Variants in DCAF1 observed in about 807,000 individuals in gnomAD.
The protein encoded by DCAF1 is DDB1 and CUL4 associated factor 1.
A neutral mutation model predicts 128.0 loss-of-function variants in DCAF1; 15 were observed. That is an observed-to-expected ratio of 0.12 (90% CI 0.08 to 0.18). The LOEUF is 0.18. Ranked by LOEUF, DCAF1 falls within the 10% of genes least tolerant of loss-of-function variation. The probability of loss-of-function intolerance (pLI) is 1.00; values close to 1 mark genes in which losing one functional copy is unlikely to be tolerated. For missense variants in DCAF1, 988 were observed against 1,649.5 expected (o/e 0.60, Z 6.95); for synonymous variants, 610 against 603.0 (o/e 1.01, Z -0.17).
chr3:51,438,012 T>C, intron 9 of DCAF1: 1 of 341,454 alleles, frequency 2.9e-6, no homozygotes, highest in Non-Finnish European at 5.7e-6. Flanking sequence ...ATTCAAATCT[T>C]GGCTAGTTTT....
At chr3:51,497,712 A>G (rs782273330) in intron 1 of DCAF1, among the ~76,000 whole-genome samples, 2 of 152,176 alleles carry the variant, frequency 1.3e-5, no homozygotes, top group African/African-American at 2.4e-5. Context: ...TTTGAGACAC[A>G]GTCGACACAA....
chr3:51,495,267 T>C (rs1423836276), intron 2 of DCAF1, among the ~76,000 whole-genome samples: 1 of 151,974 alleles, frequency 6.6e-6, no homozygotes, highest in Admixed American at 6.6e-5. Context: ...GAAGTTGCAG[T>C]GAGCCGAGAT....
chr3:51,407,159 A>C (rs1037481534), intron 23 of DCAF1, among the ~76,000 whole-genome samples: 2 of 120,818 alleles, frequency 1.7e-5, no homozygotes, highest in South Asian at 5.2e-4. Flanking sequence ...ACTCCATCTC[A>C]AAAAAAAAAA....
At chr3:51,417,020 G>C (rs1454946491) in intron 17 of DCAF1, 149 bp from the exon 18 acceptor site, 6 of 1,283,288 alleles carry the variant, frequency 4.7e-6, no homozygotes, top group African/African-American at 1.5e-5. Context: ...CATACACTTA[G>C]ATTACAAAGA....
intron 2 of DCAF1, among the ~76,000 whole-genome samples, chr3:51,494,628 G>A (rs183259991): frequency 7.5e-4 from 114 of 151,790 alleles, no homozygotes; most frequent in African/African-American, 2.7e-3. Flanking sequence ...GCCTACTAGA[G>A]CACATAAAGA....
Position 51,470,997 on chromosome 3 carries a change from T to C in DCAF1, c.119A>G (p.Gln40Arg), listed in dbSNP as rs369816869. 3.7e-5 allele frequency: 59 copies of C among 1,606,716 alleles called. No homozygotes were observed. Among genetic ancestry groups the C allele is most frequent in the Middle Eastern group, 3.3e-4 (2 of 6,054 alleles). The change falls in exon 4 of 25, where the codon CAA (glutamine) becomes CGA (arginine). Residue 40 changes from glutamine (Q) to arginine (R), a missense_variant. By Grantham distance (43) the Gln-to-Arg change is conservative. Around this residue, in one of 11 missense-constraint regions of DCAF1, gnomAD observed 48 missense variants for 52.6 expected, o/e 0.91. Transcript: ENST00000684031. ...DMVPILTRMS[Q>R]LIEKETEEYR... ...CTCTTCAGTTTCTTTTTCAATCAAT[T>C]GAGACATCCTAGCACAAAGGAAACA...
intron 6 of DCAF1, among the ~76,000 whole-genome samples, chr3:51,459,491 G>A (rs1348447453): frequency 1.3e-5 from 2 of 152,118 alleles, no homozygotes; most frequent in African/African-American, 4.8e-5. Flanking sequence ...AAGAGGAGCT[G>A]GTACCATTCC....
chr3:51,486,330 T>C (rs939239526), intron 2 of DCAF1, among the ~76,000 whole-genome samples: 147 of 151,728 alleles, frequency 9.7e-4, no homozygotes, highest in African/African-American at 3.2e-3. Flanking sequence ...GTAGCTGAGA[T>C]TACAGTATGT....
chr3:51,447,617 C>G (rs990506116), intron 6 of DCAF1, among the ~76,000 whole-genome samples: 1 of 151,994 alleles, frequency 6.6e-6, no homozygotes, highest in Non-Finnish European at 1.5e-5. Flanking sequence ...TTTGTTCCAC[C>G]TTTTGTCTTC....
chr3:51,497,102 C>G (rs1242501954), intron 1 of DCAF1, among the ~76,000 whole-genome samples: 5 of 151,900 alleles, frequency 3.3e-5, no homozygotes, highest in Admixed American at 6.6e-5. Flanking sequence ...CAAGACCAGC[C>G]TGGCCAACGC....
chr3:51,454,652 G>A (rs781958459), intron 6 of DCAF1, among the ~76,000 whole-genome samples: 16 of 149,768 alleles, frequency 1.1e-4, no homozygotes, highest in East Asian at 4.0e-4. Flanking sequence ...CGTGAGCCAC[G>A]ACGCCCAGCC....
chr3:51,422,185 C>T, intron 14 of DCAF1, 122 bp downstream of exon 14: 1 of 632,830 alleles, frequency 1.6e-6, no homozygotes, highest in Non-Finnish European at 2.9e-6. Context: ...AGACAAGGAG[C>T]CCCCCTCTAC....
At chr3:51,501,651 G>A (rs782299616), upstream of DCAF1, among the ~76,000 whole-genome samples, 1 of 152,072 alleles carries the variant, frequency 6.6e-6, no homozygotes, top group Non-Finnish European at 1.5e-5. Context: ...CCAGAAAAGG[G>A]ACCATCCTCC....
At chr3:51,444,768 T>C (rs1355290955) in intron 6 of DCAF1, among the ~76,000 whole-genome samples, 5 of 152,116 alleles carry the variant, frequency 3.3e-5, no homozygotes, top group Non-Finnish European at 7.4e-5. Context: ...CTCTGCCTCT[T>C]GGGTTCACAC....
At chr3:51,428,834 A>T (rs1006828269) in intron 12 of DCAF1, among the ~76,000 whole-genome samples, 20 of 152,016 alleles carry the variant, frequency 1.3e-4, no homozygotes, top group Non-Finnish European at 2.4e-4. Context: ...CATCTCCACA[A>T]AAAAATTTAA....
chr3:51,435,579 C>T (rs74805240), intron 9 of DCAF1, among the ~76,000 whole-genome samples: 3 of 152,086 alleles, frequency 2.0e-5, no homozygotes, highest in African/African-American at 4.8e-5. Context: ...GCCATGGTGG[C>T]ACACGCCTAT....
intron 15 of DCAF1, among the ~76,000 whole-genome samples, chr3:51,419,359 CAAAAAA>C (rs11381682): frequency 1.5e-5 from 2 of 131,418 alleles, no homozygotes; most frequent in African/African-American, 2.8e-5. Flanking sequence ...ACTCCGTCTC[CAAAAAA>C]AAAAAAAATT....
intron 6 of DCAF1, among the ~76,000 whole-genome samples, chr3:51,449,724 G>C (rs1330506679): frequency 6.6e-6 from 1 of 152,030 alleles, no homozygotes; most frequent in African/African-American, 2.4e-5. Flanking sequence ...TCTTCACCAA[G>C]ATCAACAAAA....
At chr3:51,461,058 A>C (rs1240651764) in intron 6 of DCAF1, among the ~76,000 whole-genome samples, 1 of 151,798 alleles carries the variant, frequency 6.6e-6, no homozygotes, top group Non-Finnish European at 1.5e-5. Flanking sequence ...AAAATTGACA[A>C]ATGGGATCTA....
Sources: gnomAD v4.1 joint callset for allele counts (sites outside exome capture counted in the v4.1 genomes callset) on GRCh38, gnomAD v4.1.1 for gene constraint, gnomAD v4.1.1 regional missense constraint, MANE v1.5 for transcripts, NCBI Gene and HGNC (gene_info 2026-07-23, HGNC 2026-07-21) for gene names.